The following SGCD variants were observed in gnomAD, a reference collection of about 807,000 sequenced individuals.
The protein encoded by SGCD is delta-sarcoglycan.
Under a neutral mutation model 36.6 loss-of-function variants are expected in SGCD, and 18 were observed. The ratio of observed to expected loss-of-function variants is 0.49; its 90% confidence interval spans 0.34 to 0.73. SGCD has a LOEUF of 0.73. Ranked by LOEUF, SGCD falls within the 30% of genes least tolerant of loss-of-function variation. The probability of loss-of-function intolerance (pLI) is 0.01; values close to 1 mark genes in which losing one functional copy is unlikely to be tolerated. For missense variants in SGCD, 387 were observed against 346.7 expected (o/e 1.12, Z -0.92); for synonymous variants, 133 against 130.6 (o/e 1.02, Z -0.12).
upstream of SGCD, chr5:156,326,712 A>C (rs982784416): frequency 6.6e-6 from 1 of 152,514 alleles, no homozygotes; most frequent in African/African-American, 2.4e-5. Flanking sequence ...CTGGGGACTC[A>C]AGTGTAAGGA....
intron 3 of SGCD, among the ~76,000 whole-genome samples, chr5:156,402,140 A>G (rs1772186493): frequency 6.6e-6 from 1 of 152,244 alleles, no homozygotes; most frequent in South Asian, 2.1e-4. Flanking sequence ...GTACGTAGAC[A>G]CAACATTTTG....
At chr5:156,552,126 G>A (rs1005375389) in intron 4 of SGCD, among the ~76,000 whole-genome samples, 3 of 152,174 alleles carry the variant, frequency 2.0e-5, no homozygotes, top group African/African-American at 7.2e-5. Context: ...CAAATTTGGA[G>A]CATCAGCGAG....
At chr5:156,698,382 A>G (rs1031002437) in intron 7 of SGCD, among the ~76,000 whole-genome samples, 3 of 152,198 alleles carry the variant, frequency 2.0e-5, no homozygotes, top group Non-Finnish European at 4.4e-5. Context: ...TTTCTCCCTC[A>G]TGGTTCTCAC....
intron 3 of SGCD, among the ~76,000 whole-genome samples, chr5:156,265,227 T>G (rs1484360716): frequency 1.3e-5 from 2 of 152,170 alleles, no homozygotes; most frequent in Non-Finnish European, 2.9e-5. Flanking sequence ...AACCTGGTTC[T>G]AAAGCTTATA....
chr5:156,392,027 G>A (rs999952541), intron 3 of SGCD, among the ~76,000 whole-genome samples: 5 of 152,286 alleles, frequency 3.3e-5, no homozygotes, highest in African/African-American at 7.2e-5. Flanking sequence ...TTAGCACTAC[G>A]TATATTGAAT....
intron 3 of SGCD, among the ~76,000 whole-genome samples, chr5:156,314,429 A>T (rs944753334): frequency 1.5e-4 from 23 of 152,072 alleles, no homozygotes; most frequent in Admixed American, 1.4e-3. Flanking sequence ...TAGACATTGC[A>T]TTATATTAAA....
At chr5:156,274,832 T>C (rs1470791459) in intron 3 of SGCD, among the ~76,000 whole-genome samples, 1 of 152,154 alleles carries the variant, frequency 6.6e-6, no homozygotes, top group Non-Finnish European at 1.5e-5. Context: ...TTCATACATG[T>C]TCCTCCTCTT....
the SGCD span, among the ~76,000 whole-genome samples, chr5:155,775,068 T>A: frequency 6.6e-6 from 1 of 152,198 alleles, no homozygotes. Flanking sequence ...TTTAATATCA[T>A]TGTTTGTTAG....
intron 3 of SGCD, among the ~76,000 whole-genome samples, chr5:156,444,214 T>TTCTC (rs1753662363): frequency 2.8e-5 from 4 of 140,818 alleles, no homozygotes; most frequent in Non-Finnish European, 4.7e-5. Flanking sequence ...CTCCTTCCTT[T>TTCTC]TATCTCTCTC....
At chr5:155,952,183 A>G (rs1757561150) in intron 1 of SGCD, among the ~76,000 whole-genome samples, 1 of 152,126 alleles carries the variant, frequency 6.6e-6, no homozygotes, top group African/African-American at 2.4e-5. Flanking sequence ...TTCATCTTTC[A>G]AAGAGAAAGA....
intron 1 of SGCD, among the ~76,000 whole-genome samples, chr5:156,097,385 G>GTTTAT (rs959462290): frequency 1.3e-5 from 2 of 151,912 alleles, no homozygotes; most frequent in African/African-American, 4.8e-5. Context: ...CTGGGGCACT[G>GTTTAT]TTTATTTTAT....
At chr5:156,368,249 C>T (rs61603347) in intron 3 of SGCD, among the ~76,000 whole-genome samples, 61,679 of 151,762 alleles carry the variant, frequency 0.41, 13,361 homozygotes, top group East Asian at 0.78. Context: ...TGCCACCATA[C>T]CCAGCTAATT....
Position 156,347,033 on chromosome 5 carries a change from G to A in SGCD, c.192+2356G>A, listed in dbSNP as rs558808010. Among the ~76,000 whole-genome samples, 194 of 152,146 alleles carry A rather than the reference G, an allele frequency of 1.3e-3. 1 individual carries two copies. Among genetic ancestry groups the A allele is most frequent in the Admixed American group, 2.4e-3 (37 of 15,282 alleles). Reference sequence around the variant, plus strand: ...AGGATGGTCTCGATCTCCTGACCTCGTAATCCACCCATCTCGGCCTCCCAA... The same window carrying A: ...AGGATGGTCTCGATCTCCTGACCTCATAATCCACCCATCTCGGCCTCCCAA... On this transcript the variant is annotated intron_variant, in intron 3 of 8. Coordinates refer to ENST00000337851, the MANE Select transcript of SGCD (RefSeq NM_000337.6).
At chr5:155,745,421 GGCC>G in the SGCD span, among the ~76,000 whole-genome samples, 1 of 151,924 alleles carries the variant, frequency 6.6e-6, no homozygotes, top group African/African-American at 2.4e-5. Context: ...TCTATAATCT[GGCC>G]ATTTGTCTTC....
At chr5:156,540,308 T>A (rs1203952537) in intron 4 of SGCD, among the ~76,000 whole-genome samples, 1 of 151,862 alleles carries the variant, frequency 6.6e-6, no homozygotes, top group Non-Finnish European at 1.5e-5. Context: ...TTGTCACTTA[T>A]TTTTTTTAGG....
At chr5:156,605,396 C>G (rs1761392604) in intron 6 of SGCD, among the ~76,000 whole-genome samples, 1 of 152,180 alleles carries the variant, frequency 6.6e-6, no homozygotes, top group Non-Finnish European at 1.5e-5. Flanking sequence ...TTTTTTATGG[C>G]TGCATAGTAT....
At chr5:156,206,330 C>T (rs1181986893) in intron 3 of SGCD, among the ~76,000 whole-genome samples, 1 of 151,880 alleles carries the variant, frequency 6.6e-6, no homozygotes, top group African/African-American at 2.4e-5. Context: ...TGAATAAGTG[C>T]ACATGTTGCT....
the SGCD span, among the ~76,000 whole-genome samples, chr5:155,733,909 C>T: frequency 6.6e-6 from 1 of 152,012 alleles, no homozygotes. Flanking sequence ...AAGTGCTTAG[C>T]ATGGTGTCCT....
intron 3 of SGCD, among the ~76,000 whole-genome samples, chr5:156,310,606 C>T (rs1432137604): frequency 6.6e-6 from 1 of 152,164 alleles, no homozygotes; most frequent in East Asian, 1.9e-4. Context: ...TTACATCAGG[C>T]AGATTCTTTC....
Sources: gnomAD v4.1 joint callset for allele counts (sites outside exome capture counted in the v4.1 genomes callset) on GRCh38, gnomAD v4.1.1 for gene constraint, MANE v1.5 for transcripts, NCBI Gene and HGNC (gene_info 2026-07-23, HGNC 2026-07-21) for gene names.